Variants in GINS4 observed in about 807,000 individuals in gnomAD.
GINS4 encodes DNA replication complex GINS protein SLD5.
Under a neutral mutation model 31.1 loss-of-function variants are expected in GINS4, and 20 were observed. The ratio of observed to expected loss-of-function variants is 0.64; its 90% CI spans 0.45 to 0.93. The LOEUF is 0.93. GINS4 is among the 40% of genes least tolerant of loss of function. The pLI is 0.00. For missense variants in GINS4, 245 were observed against 273.9 expected (o/e 0.89, Z 0.75); for synonymous variants, 85 against 97.9 (o/e 0.87, Z 0.78).
rs1806895337 is a variant in GINS4, at chr8:41,544,266, T to A, written c.*2179T>A. 1 of 152,238 alleles carries A rather than the reference T, an allele frequency of 6.6e-6. No homozygotes were observed. Among genetic ancestry groups the A allele is most frequent in the Non-Finnish European group, 1.5e-5 (1 of 68,048 alleles). 9.4% of individuals were successfully genotyped at this position (152,238 alleles called of 1,614,324 possible). On this transcript the variant is annotated 3_prime_UTR_variant, in exon 8 of 8. Transcript: ENST00000276533. ...TTACATGATAAGGTCTGAGGCAGGC[T>A]GGACCCAGATCTTACAGGACCTTGT...
intron 2 of GINS4, among the ~76,000 whole-genome samples, chr8:41,535,342 A>ATAAATAAAAATTATTCAATAT (rs1806724458): frequency 6.6e-6 from 1 of 152,196 alleles, no homozygotes; most frequent in African/African-American, 2.4e-5. Flanking sequence ...TGCCTCAAAA[A>ATAAATAAAAATTATTCAATAT]TAAATAAAAA....
intron 2 of GINS4, among the ~76,000 whole-genome samples, chr8:41,533,139 A>G (rs1293461911): frequency 1.3e-5 from 2 of 152,272 alleles, no homozygotes; most frequent in East Asian, 3.8e-4. Context: ...AACAGCAGTG[A>G]AAATGAGTAA....
intron 2 of GINS4, among the ~76,000 whole-genome samples, chr8:41,530,778 T>C (rs920406957): frequency 6.6e-6 from 1 of 152,122 alleles, no homozygotes; most frequent in Admixed American, 6.5e-5. Flanking sequence ...TCTGAAATAT[T>C]TCTCCTTTAA....
In GINS4 at chr8:41,540,015, C is replaced by T. The variant is rs1052075773; in HGVS notation, c.484+11C>T. The stretch of plus-strand genomic sequence containing the variant: ...ACCTCTTTCGGGCAGGTAAACAGGA[C>T]GTTCTCCCTGCAGGTGGCCCACCCA... On this transcript the variant is annotated intron_variant, in intron 6 of 7. Transcript: ENST00000276533. 12 of 1,604,692 alleles carry T rather than the reference C, an allele frequency of 7.5e-6. No individual in the cohort carries two copies. The highest frequency in any genetic ancestry group is 2.2e-5 in the East Asian group (1 of 44,860).
chr8:41,534,321 C>A (rs761755275), intron 2 of GINS4: 7 of 372,348 alleles, frequency 1.9e-5, no homozygotes, highest in South Asian at 1.4e-4. Flanking sequence ...GCAGGAGGAT[C>A]ACTTAAGCCT....
At chr8:41,540,711 C>T (rs1013587122) in intron 6 of GINS4, among the ~76,000 whole-genome samples, 4 of 152,218 alleles carry the variant, frequency 2.6e-5, no homozygotes, top group African/African-American at 9.6e-5. Flanking sequence ...GCAAGACCTC[C>T]TCAGGCAAAA....
In GINS4 at chr8:41,542,474, C is replaced by A; in HGVS notation, c.*387C>A. The A allele has an allele frequency of 4.7e-6, 1 of 213,760 alleles. No homozygotes were observed. The highest frequency in any genetic ancestry group is 9.6e-6 in the Non-Finnish European group (1 of 104,516). The allele number at this position is 213,760 out of a possible 1,614,324, so 13.2% of individuals were successfully genotyped here. A position where few individuals can be genotyped will look rare whatever the true frequency, so the allele number is the denominator to read the frequency against. On this transcript the variant is annotated 3_prime_UTR_variant, in exon 8 of 8. Transcript: ENST00000276533. ...CCATCCTGGCTACTAAACCCCATCT[C>A]TACTAAACCCATCTCTACTAAAAAT... is the stretch of plus-strand genomic sequence containing the variant.
intron 4 of GINS4, among the ~76,000 whole-genome samples, chr8:41,539,058 G>A (rs1464107216): frequency 1.3e-5 from 2 of 150,116 alleles, no homozygotes; most frequent in Non-Finnish European, 3.0e-5. Flanking sequence ...ACAGGCTCAC[G>A]CCTATAATCC....
intron 2 of GINS4, 67 bp downstream of exon 2, chr8:41,530,365 A>C: frequency 3.8e-5 from 43 of 1,118,174 alleles, no homozygotes; most frequent in Non-Finnish European, 5.0e-5. Flanking sequence ...TGTGAATATC[A>C]GGGATCACAA....
chr8:41,537,213 C>A lies in GINS4; in HGVS notation c.217C>A (p.Leu73Met), dbSNP rs774414113. The A allele has an allele frequency of 1.2e-6, 2 of 1,613,788 alleles. No homozygotes were observed. Among genetic ancestry groups the A allele is most frequent in the Admixed American group, 1.7e-5 (1 of 60,022 alleles). Residue 73 changes from leucine to methionine, a missense_variant, in exon 4 of 8, where the codon CTG (leucine) becomes ATG (methionine). Coordinates refer to ENST00000276533, the MANE Select transcript of GINS4 (RefSeq NM_032336.3). ...TCTCAGGAGAGCCAAAAGGGAGGAC[C>A]TGAAGGTCAGCATCCACCAAATGGA... is the stretch of plus-strand genomic sequence containing the variant. ...ENLRRAKRED[L>M]KVSIHQMEME... is the part of the protein sequence containing the mutation.
At chr8:41,541,941 A>G in intron 7 of GINS4, 42 bp downstream of exon 7, 1 of 1,609,272 alleles carries the variant, frequency 6.2e-7, no homozygotes, top group Non-Finnish European at 8.5e-7. Context: ...ATTCCTCCCG[A>G]TGGAGGGCCA....
chr8:41,535,812 A>G (rs928257244), intron 2 of GINS4, among the ~76,000 whole-genome samples: 2 of 152,338 alleles, frequency 1.3e-5, no homozygotes, highest in African/African-American at 4.8e-5. Flanking sequence ...GCCTGTTTCT[A>G]TTATGATCCT....
At chr8:41,534,460 A>C (rs926947421) in intron 2 of GINS4, 1 of 169,932 alleles carries the variant, frequency 5.9e-6, no homozygotes, top group African/African-American at 2.4e-5. Context: ...GTTTCTCAGT[A>C]AAAATTTTGG....
chr8:41,540,148 C>CA (rs913707780), intron 6 of GINS4, 144 bp downstream of exon 6: 18 of 651,956 alleles, frequency 2.8e-5, no homozygotes, highest in East Asian at 8.0e-5. Flanking sequence ...AGCTAAAAAC[C>CA]AAAAAAATCA....
rs1806847407 is a variant in GINS4 at position 41,541,887 on chromosome 8, C to T, written c.563C>T (p.Thr188Ile). ...GAAAACATACTGGTAGAACCAGACA[C>T]AGATGAGCAGAGGTGAGTGGCGTGC... ...RQENILVEPD[T>I]DEQRDYVIDL... The change falls in exon 7 of 8, where the codon ACA becomes ATA. Residue 188 changes from threonine (T) to isoleucine (I), a missense_variant. Coordinates refer to ENST00000276533, the MANE Select transcript of GINS4 (RefSeq NM_032336.3). 1.2e-6 allele frequency: 2 copies of T among 1,613,896 alleles called. No homozygotes were observed. The highest frequency in any genetic ancestry group is 1.1e-5 in the South Asian group (1 of 91,086).
intron 4 of GINS4, 27 bp from the exon 5 acceptor site, chr8:41,539,651 C>A: frequency 1.3e-6 from 2 of 1,491,200 alleles, no homozygotes; most frequent in Non-Finnish European, 1.9e-6. Flanking sequence ...CCAATGTTTT[C>A]ATGAAGATTT....
At chr8:41,538,576 A>C (rs1204743209) in intron 4 of GINS4, among the ~76,000 whole-genome samples, 1 of 151,708 alleles carries the variant, frequency 6.6e-6, no homozygotes, top group Non-Finnish European at 1.5e-5. Flanking sequence ...CTTGATACTT[A>C]TCTCTCTTAA....
At position 41,543,799 on chromosome 8, in the gene GINS4, G is replaced by A. The variant is rs1194913927; in HGVS notation, c.*1712G>A. 6.6e-6 allele frequency: 1 copy of A among 151,820 alleles called. No homozygotes were observed. Among genetic ancestry groups the A allele is most frequent in the African/African-American group, 2.4e-5 (1 of 41,294 alleles). The allele number at this position is 151,820 out of a possible 1,614,324, so 9.4% of individuals were successfully genotyped here. A position where few individuals can be genotyped will look rare whatever the true frequency, so the allele number is the denominator to read the frequency against. On this transcript the variant is annotated 3_prime_UTR_variant, in exon 8 of 8. Transcript: ENST00000276533. ...CGGCTCACTGCAGCCTCCACCTCCT[G>A]GGTTCAAGAGATTCTCCTGCCCCAG...
chr8:41,532,696 T>A (rs2081499), intron 2 of GINS4, among the ~76,000 whole-genome samples: 3 of 151,516 alleles, frequency 2.0e-5, no homozygotes, highest in Non-Finnish European at 2.9e-5. Flanking sequence ...TTAGCCAGGC[T>A]TGTTGGCATG....
Sources: gnomAD v4.1 joint callset for allele counts (sites outside exome capture counted in the v4.1 genomes callset) on GRCh38, gnomAD v4.1.1 for gene constraint, MANE v1.5 for transcripts, NCBI Gene and HGNC (gene_info 2026-07-23, HGNC 2026-07-21) for gene names.